AGPS: variants seen among roughly 807,000 people sequenced by gnomAD.
AGPS encodes the protein alkylglycerone phosphate synthase.
In AGPS, 26 loss-of-function variants were observed where a neutral mutation model predicts 90.7. The observed-to-expected ratio is 0.29, with a 90% CI of 0.21 to 0.40. The LOEUF is 0.40. AGPS is among the 10% of genes least tolerant of loss of function. The probability of loss-of-function intolerance (pLI) is 1.00; values close to 1 mark genes in which losing one functional copy is unlikely to be tolerated. For synonymous variants in AGPS, 294 were observed against 285.3 expected (o/e 1.03, Z -0.31); for missense variants, 540 against 816.1 (o/e 0.66, Z 4.12).
At chr2:177,511,404 A>G (rs1688868107) in intron 16 of AGPS, among the ~76,000 whole-genome samples, 1 of 152,072 alleles carries the variant, frequency 6.6e-6, no homozygotes, top group Non-Finnish European at 1.5e-5. Context: ...AGCCGATGTT[A>G]CAGATTTTGG....
At chr2:177,494,329 TAAGTA>T (rs1195563561) in intron 12 of AGPS, among the ~76,000 whole-genome samples, 1 of 152,224 alleles carries the variant, frequency 6.6e-6, no homozygotes, top group Admixed American at 6.5e-5. Flanking sequence ...TTTATTTCTT[TAAGTA>T]AATTACTTTC....
intron 2 of AGPS, among the ~76,000 whole-genome samples, chr2:177,432,846 G>C (rs778042505): frequency 6.6e-6 from 1 of 152,208 alleles, no homozygotes; most frequent in East Asian, 1.9e-4. Context: ...TGCAGAAGGG[G>C]AAGGGGAGCT....
chr2:177,491,711 G>A (rs1448874976), intron 11 of AGPS, among the ~76,000 whole-genome samples: 2 of 142,526 alleles, frequency 1.4e-5, no homozygotes, highest in African/African-American at 2.7e-5. Flanking sequence ...TTGTTTTAAA[G>A]ATTAAATACC....
At chr2:177,473,667 A>G (rs1687691571) in intron 10 of AGPS, among the ~76,000 whole-genome samples, 1 of 152,272 alleles carries the variant, frequency 6.6e-6, no homozygotes, top group Admixed American at 6.5e-5. Flanking sequence ...CAATAAATAC[A>G]TTAAAACTCT....
At chr2:177,442,941 A>G (rs1332995007) in intron 7 of AGPS, among the ~76,000 whole-genome samples, 1 of 151,906 alleles carries the variant, frequency 6.6e-6, no homozygotes, top group Non-Finnish European at 1.5e-5. Context: ...TTTTACCCTC[A>G]GGTATATATG....
chr2:177,396,922 C>T (rs553369173), intron 1 of AGPS, among the ~76,000 whole-genome samples: 1 of 145,000 alleles, frequency 6.9e-6, no homozygotes, highest in South Asian at 2.2e-4. Flanking sequence ...AAGTTGGCAC[C>T]AATTACTTCT....
intron 19 of AGPS, among the ~76,000 whole-genome samples, chr2:177,526,086 G>A (rs1319635495): frequency 1.3e-5 from 2 of 152,156 alleles, no homozygotes; most frequent in Non-Finnish European, 2.9e-5. Flanking sequence ...TTTCATTTGT[G>A]AGAGCTATGG....
At position 177,449,843 on chromosome 2, in the gene AGPS, A is replaced by AT. The variant is rs1021524220; in HGVS notation, c.870+4229dup. Among the ~76,000 whole-genome samples, 241 of 144,680 alleles carry AT rather than the reference A, an allele frequency of 1.7e-3. 1 individual carries two copies. The highest frequency in any genetic ancestry group is 0.011 in the Middle Eastern group (3 of 268). The allele number at this position is 144,680 out of a possible 152,430, so 94.9% of individuals were successfully genotyped here. A position where few individuals can be genotyped will look rare whatever the true frequency, so the allele number is the denominator to read the frequency against. ...AAGTTCTCCTTAAATTATTTGCCCA[A>AT]TTTTTTTTTTTTGAGATGGAGTGTC... On this transcript the variant is annotated intron_variant, in intron 8 of 19. Coordinates refer to ENST00000264167, the MANE Select transcript of AGPS (RefSeq NM_003659.4).
At chr2:177,426,300 G>A (rs1011057555) in intron 2 of AGPS, among the ~76,000 whole-genome samples, 2 of 152,134 alleles carry the variant, frequency 1.3e-5, no homozygotes, top group Non-Finnish European at 2.9e-5. Flanking sequence ...GGGCTGAGAT[G>A]GTGGGGTTTT....
At chr2:177,393,662 C>G (rs967652634) in intron 1 of AGPS, 2 of 743,436 alleles carry the variant, frequency 2.7e-6, no homozygotes, top group African/African-American at 3.8e-5. Context: ...CTACTGAGCT[C>G]TGTGTAACCA....
intron 1 of AGPS, among the ~76,000 whole-genome samples, chr2:177,398,809 A>G (rs1685254677): frequency 1.3e-5 from 2 of 152,204 alleles, no homozygotes; most frequent in African/African-American, 4.8e-5. Context: ...TTGTGAGTGC[A>G]TTTTGCCATT....
chr2:177,400,846 C>T (rs756170307), intron 1 of AGPS, among the ~76,000 whole-genome samples: 5 of 152,150 alleles, frequency 3.3e-5, no homozygotes, highest in African/African-American at 4.8e-5. Flanking sequence ...TTGCTATAAT[C>T]ACAGAAGTTC....
At chr2:177,502,407 ATTTTTTTTTT>A (rs71007998) in intron 14 of AGPS, among the ~76,000 whole-genome samples, 1 of 109,336 alleles carries the variant, frequency 9.1e-6, no homozygotes, top group African/African-American at 3.6e-5. Context: ...AGCCATTTCG[ATTTTTTTTTT>A]TTTTTTTTTT....
chr2:177,487,576 TAGA>T (rs1688131829), intron 11 of AGPS, among the ~76,000 whole-genome samples: 2 of 152,192 alleles, frequency 1.3e-5, no homozygotes, highest in South Asian at 4.1e-4. Flanking sequence ...TCAAATAAAT[TAGA>T]AGGAGTCAGG....
chr2:177,414,669 T>C (rs1454284271), intron 1 of AGPS, among the ~76,000 whole-genome samples: 1 of 152,216 alleles, frequency 6.6e-6, no homozygotes, highest in Non-Finnish European at 1.5e-5. Context: ...ATAGATTTTA[T>C]AATAAACCAT....
At chr2:177,500,603 T>C (rs551281353) in intron 14 of AGPS, among the ~76,000 whole-genome samples, 2 of 152,164 alleles carry the variant, frequency 1.3e-5, no homozygotes, top group African/African-American at 4.8e-5. Context: ...GTTGTCTGAA[T>C]TTAGTGTTAA....
At chr2:177,485,009 C>T (rs1688054278) in intron 11 of AGPS, among the ~76,000 whole-genome samples, 1 of 152,152 alleles carries the variant, frequency 6.6e-6, no homozygotes, top group Admixed American at 6.5e-5. Flanking sequence ...CTCAAGCGAT[C>T]CTCCAGTTTA....
Position 177,393,303 on chromosome 2 carries a change from G to A in AGPS, c.260+254G>A, listed in dbSNP as rs1232329778. On this transcript the variant is annotated intron_variant, in intron 1 of 19. Coordinates refer to ENST00000264167, the MANE Select transcript of AGPS (RefSeq NM_003659.4). The stretch of plus-strand genomic sequence containing the variant: ...GGCTTGAAGAACTCTCGTTGGAGAA[G>A]GGTTTAAAGGATTCCTTTTTCCTGA... The A allele has an allele frequency of 1.7e-5, 17 of 985,410 alleles. No individual in the cohort carries two copies. In the East Asian group the frequency reaches 3.4e-4, roughly 20 times the overall value. 61.0% of individuals were successfully genotyped at this position (985,410 alleles called of 1,614,324 possible). A position where few individuals can be genotyped will look rare whatever the true frequency, so the allele number is the denominator to read the frequency against.
chr2:177,440,808 A>C (rs891560459), intron 5 of AGPS, among the ~76,000 whole-genome samples, 157 bp from the exon 6 acceptor site: 7 of 152,180 alleles, frequency 4.6e-5, no homozygotes, highest in African/African-American at 1.7e-4. Context: ...AAAAGTTAAA[A>C]AGGTAAAGTG....
Sources: gnomAD v4.1 joint callset for allele counts (sites outside exome capture counted in the v4.1 genomes callset) on GRCh38, gnomAD v4.1.1 for gene constraint, MANE v1.5 for transcripts, NCBI Gene and HGNC (gene_info 2026-07-23, HGNC 2026-07-21) for gene names.